EPB41L3: variants seen among roughly 807,000 people sequenced by gnomAD.
The protein encoded by EPB41L3 is band 4.1-like protein 3.
A neutral mutation model predicts 127.1 loss-of-function variants in EPB41L3; 57 were observed. That is an observed-to-expected ratio of 0.45 (90% CI 0.36 to 0.56). EPB41L3 has a LOEUF of 0.56. Ranked by LOEUF, EPB41L3 falls within the 20% of genes least tolerant of loss-of-function variation. The probability of loss-of-function intolerance (pLI) is 0.00; values close to 1 mark genes in which losing one functional copy is unlikely to be tolerated. For missense variants in EPB41L3, 1,273 were observed against 1,372.2 expected (o/e 0.93, Z 1.14); for synonymous variants, 572 against 549.5 (o/e 1.04, Z -0.57).
chr18:5,609,666 C>T (rs756916129), intron 3 of EPB41L3, among the ~76,000 whole-genome samples: 2 of 152,146 alleles, frequency 1.3e-5, no homozygotes, highest in African/African-American at 2.4e-5. Context: ...GTACAATTTC[C>T]AATGGACTTA....
chr18:5,413,555 A>C (rs574609917), intron 13 of EPB41L3, among the ~76,000 whole-genome samples: 1 of 152,372 alleles, frequency 6.6e-6, no homozygotes, highest in South Asian at 2.1e-4. Flanking sequence ...GAAGTCACTC[A>C]GTGTAGCTGC....
chr18:5,503,710 A>C (rs2091931703), intron 1 of EPB41L3, among the ~76,000 whole-genome samples: 1 of 152,226 alleles, frequency 6.6e-6, no homozygotes, highest in African/African-American at 2.4e-5. Context: ...AAGGCTATCA[A>C]TTCGTGCATA....
At chr18:5,411,689 G>C (rs1296309816) in intron 13 of EPB41L3, among the ~76,000 whole-genome samples, 1 of 137,654 alleles carries the variant, frequency 7.3e-6, no homozygotes, top group South Asian at 2.2e-4. Context: ...GAAAATGGGA[G>C]GCGAGTCTAT....
chr18:5,410,046 G>A (rs921515916), intron 14 of EPB41L3, among the ~76,000 whole-genome samples: 5 of 152,118 alleles, frequency 3.3e-5, no homozygotes, highest in Non-Finnish European at 7.4e-5. Flanking sequence ...CGAGGCTACA[G>A]TCAAAGGCTA....
chr18:5,524,141 A>G (rs2093123988), intron 1 of EPB41L3, among the ~76,000 whole-genome samples: 1 of 152,138 alleles, frequency 6.6e-6, no homozygotes, highest in Non-Finnish European at 1.5e-5. Flanking sequence ...TTCTCTGGTC[A>G]TACAGAGTAA....
chr18:5,509,033 G>A (rs2092383055), intron 1 of EPB41L3, among the ~76,000 whole-genome samples: 1 of 152,178 alleles, frequency 6.6e-6, no homozygotes, highest in Non-Finnish European at 1.5e-5. Flanking sequence ...GGCCAGTAGG[G>A]AAAACACCCT....
chr18:5,424,200 CT>C, intron 10 of EPB41L3, 61 bp downstream of exon 10: 4 of 1,140,026 alleles, frequency 3.5e-6, no homozygotes, highest in Non-Finnish European at 4.9e-6. Flanking sequence ...TATTGACAAT[CT>C]TTTTCAGTAT....
chr18:5,429,298 T>C (rs372460427), intron 8 of EPB41L3: 27 of 152,250 alleles, frequency 1.8e-4, no homozygotes, highest in African/African-American at 6.3e-4. Flanking sequence ...CATGTTTAGG[T>C]AATTTCCTAT....
chr18:5,506,507 G>A (rs1399424190), intron 1 of EPB41L3, among the ~76,000 whole-genome samples: 1 of 152,084 alleles, frequency 6.6e-6, no homozygotes, highest in Non-Finnish European at 1.5e-5. Flanking sequence ...GGCCTTCCCT[G>A]TCTACCCCTC....
At chr18:5,457,607 A>G (rs1456511726) in intron 3 of EPB41L3, among the ~76,000 whole-genome samples, 1 of 152,226 alleles carries the variant, frequency 6.6e-6, no homozygotes, top group Admixed American at 6.5e-5. Flanking sequence ...CGGTTTAGCT[A>G]TCAGATTCAG....
In EPB41L3 at chr18:5,596,054, T is replaced by C. The variant is rs113843859; in HGVS notation, c.-306+16286A>G. Among the ~76,000 whole-genome samples the C allele has an allele frequency of 6.5e-3, 996 of 152,304 alleles. 12 individuals carry two copies. Among genetic ancestry groups the C allele is most frequent in the African/African-American group, 0.018 (754 of 41,566 alleles). On this transcript the variant is annotated intron_variant, in intron 3 of 21. Transcript: ENST00000545076. ...GTTTAAACAATGAGGTATAAGAGCT[T>C]CCTGAGATGCTTAAACAATGGAATG...
At chr18:5,569,827 G>A (rs945635037) in intron 3 of EPB41L3, among the ~76,000 whole-genome samples, 12 of 152,092 alleles carry the variant, frequency 7.9e-5, no homozygotes, top group African/African-American at 1.9e-4. Context: ...CAGAACGCTC[G>A]GATTTTTGTT....
intron 1 of EPB41L3, among the ~76,000 whole-genome samples, chr18:5,503,405 G>A (rs764688273): frequency 1.3e-5 from 2 of 152,168 alleles, no homozygotes; most frequent in Non-Finnish European, 2.9e-5. Context: ...TTAAGTGCAG[G>A]TGTACAGAAT....
At chr18:5,473,997 C>T (rs530934907) in intron 3 of EPB41L3, among the ~76,000 whole-genome samples, 33 of 151,912 alleles carry the variant, frequency 2.2e-4, no homozygotes, top group Non-Finnish European at 4.1e-4. Flanking sequence ...TTTGGGAGGC[C>T]GAGACGGGTG....
At chr18:5,621,182 A>C (rs1157791274) in intron 1 of EPB41L3, among the ~76,000 whole-genome samples, 1 of 152,138 alleles carries the variant, frequency 6.6e-6, no homozygotes, top group Non-Finnish European at 1.5e-5. Context: ...ATTTGATGTT[A>C]GGCGTCACTG....
chr18:5,397,642 C>G lies in EPB41L3; in HGVS notation c.2473-216G>C, dbSNP rs1359069569. Among the ~76,000 whole-genome samples, 2 of 152,182 alleles carry G rather than the reference C, an allele frequency of 1.3e-5. No individual in the cohort carries two copies. Among genetic ancestry groups the G allele is most frequent in the Non-Finnish European group, 2.9e-5 (2 of 68,032 alleles). The stretch of plus-strand genomic sequence containing the variant: ...GCATGCACTTGAACCTGCGCTGCTG[C>G]TTCAGGACATCCGCAAAACAAACGG... On this transcript the variant is annotated intron_variant, in intron 17 of 22. Transcript: ENST00000341928. This position sits in a 1 kb window ranked among gnomAD's most constrained non-coding sequence, Gnocchi z 4.1.
chr18:5,414,694 G>T (rs1024144432), intron 13 of EPB41L3, among the ~76,000 whole-genome samples: 7 of 152,156 alleles, frequency 4.6e-5, no homozygotes, highest in Non-Finnish European at 1.0e-4. Flanking sequence ...GGAGTGGGGA[G>T]GGGCGCGCAT....
At chr18:5,438,009 C>A (rs1448382379) in intron 6 of EPB41L3, 26 bp downstream of exon 6, 1 of 1,609,628 alleles carries the variant, frequency 6.2e-7, no homozygotes, top group Non-Finnish European at 8.5e-7. Context: ...ATATGCTTGT[C>A]TTTTGCATAG....
In EPB41L3 at chr18:5,393,258, G is replaced by A. The variant is rs536857568; in HGVS notation, c.*227C>T. 8 of 422,194 alleles carry A rather than the reference G, an allele frequency of 1.9e-5. No homozygotes were observed. The highest frequency in any genetic ancestry group is 2.9e-5 in the Non-Finnish European group (7 of 238,540). 26.2% of individuals were successfully genotyped at this position (422,194 alleles called of 1,614,324 possible). A position where few individuals can be genotyped will look rare whatever the true frequency, so the allele number is the denominator to read the frequency against. The stretch of plus-strand genomic sequence containing the variant: ...AATGCTGCTCTTTTGTAATTTTATC[G>A]TTGCTTCATGCATTATCGGTTTAGT... On this transcript the variant is annotated 3_prime_UTR_variant, in exon 23 of 23. Coordinates refer to ENST00000341928, the MANE Select transcript of EPB41L3 (RefSeq NM_012307.5).
Sources: gnomAD v4.1 joint callset for allele counts (sites outside exome capture counted in the v4.1 genomes callset) on GRCh38, gnomAD v4.1.1 for gene constraint, Gnocchi (gnomAD v3.1) non-coding constraint, MANE v1.5 for transcripts, NCBI Gene and HGNC (gene_info 2026-07-23, HGNC 2026-07-21) for gene names.